Variants in EEFSEC observed in about 807,000 individuals in gnomAD.
EEFSEC encodes the protein eukaryotic elongation factor, selenocysteine-tRNA specific, also known as selenocysteine-specific elongation factor.
A neutral mutation model predicts 42.1 loss-of-function variants in EEFSEC; 43 were observed. The ratio of observed to expected loss-of-function variants is 1.02; its 90% CI spans 0.80 to 1.32. EEFSEC has a LOEUF of 1.32. Ranked by LOEUF, EEFSEC falls within the 40% of genes most tolerant of loss-of-function variation. The probability of loss-of-function intolerance (pLI) is 0.00; values close to 1 mark genes in which losing one functional copy is unlikely to be tolerated. For synonymous variants in EEFSEC, 354 were observed against 339.1 expected (o/e 1.04, Z -0.48); for missense variants, 745 against 803.6 (o/e 0.93, Z 0.88).
intron 1 of EEFSEC, among the ~76,000 whole-genome samples, chr3:128,187,736 A>G (rs1353545227): frequency 6.6e-6 from 1 of 152,222 alleles, no homozygotes; most frequent in African/African-American, 2.4e-5. Context: ...TGCATCAAAG[A>G]CCATACAATA....
intron 4 of EEFSEC, among the ~76,000 whole-genome samples, chr3:128,327,827 T>C (rs1024867242): frequency 2.0e-5 from 3 of 152,052 alleles, no homozygotes; most frequent in Admixed American, 2.0e-4. Context: ...TGGCAGTACA[T>C]GGAGGAGGGG....
intron 1 of EEFSEC, among the ~76,000 whole-genome samples, chr3:128,181,414 G>A (rs1422515897): frequency 6.6e-6 from 1 of 152,212 alleles, no homozygotes; most frequent in Non-Finnish European, 1.5e-5. Context: ...CCACAAGTGG[G>A]CATTCTGAAC....
At chr3:128,365,990 G>T (rs944117093) in intron 6 of EEFSEC, among the ~76,000 whole-genome samples, 5 of 152,212 alleles carry the variant, frequency 3.3e-5, no homozygotes, top group African/African-American at 9.6e-5. Context: ...AGAAGCTGAT[G>T]CACCTCTCTG....
the EEFSEC span, among the ~76,000 whole-genome samples, chr3:128,418,963 CAGT>C: frequency 6.6e-6 from 1 of 152,330 alleles, no homozygotes; most frequent in South Asian, 2.1e-4. Context: ...GACTCCATCC[CAGT>C]CAGTAATGCT....
At chr3:128,278,724 A>G (rs1464031414) in intron 4 of EEFSEC, among the ~76,000 whole-genome samples, 1 of 152,066 alleles carries the variant, frequency 6.6e-6, no homozygotes, top group East Asian at 1.9e-4. Flanking sequence ...ATGGTGGGGG[A>G]GCCTTCCTAG....
the EEFSEC span, among the ~76,000 whole-genome samples, chr3:128,415,524 G>A: frequency 6.6e-6 from 1 of 152,158 alleles, no homozygotes; most frequent in Non-Finnish European, 1.5e-5. Flanking sequence ...GCGCCTCACT[G>A]CCCCAGTGCT....
intron 1 of EEFSEC, among the ~76,000 whole-genome samples, chr3:128,157,105 A>G (rs1402906047): frequency 6.6e-6 from 1 of 152,262 alleles, no homozygotes; most frequent in Non-Finnish European, 1.5e-5. Flanking sequence ...ATTGCTTTAT[A>G]GAGAAAGTTT....
chr3:128,222,620 T>TA (rs1196886758), intron 1 of EEFSEC, among the ~76,000 whole-genome samples: 1 of 152,258 alleles, frequency 6.6e-6, no homozygotes, highest in Non-Finnish European at 1.5e-5. Context: ...TTTATCTGTC[T>TA]ACTCTTGATG....
At chr3:128,314,758 C>G (rs929205294) in intron 4 of EEFSEC, among the ~76,000 whole-genome samples, 1 of 152,212 alleles carries the variant, frequency 6.6e-6, no homozygotes, top group Admixed American at 6.5e-5. Flanking sequence ...CCCCCACCCA[C>G]CATGTGACGA....
chr3:128,275,650 C>A (rs2066460249), intron 4 of EEFSEC, among the ~76,000 whole-genome samples: 1 of 152,214 alleles, frequency 6.6e-6, no homozygotes, highest in Non-Finnish European at 1.5e-5. Context: ...ACCCTGCTTC[C>A]CAGGCAAGGC....
intron 1 of EEFSEC, among the ~76,000 whole-genome samples, chr3:128,186,999 A>G (rs2065472793): frequency 6.6e-6 from 1 of 152,210 alleles, no homozygotes; most frequent in Non-Finnish European, 1.5e-5. Flanking sequence ...GCTGAGGCTC[A>G]TGGCCACAGG....
Position 128,251,285 on chromosome 3 carries a change from C to T in EEFSEC, c.524+4242C>T, listed in dbSNP as rs866364006. On this transcript the variant is annotated intron_variant, in intron 2 of 6. Transcript: ENST00000254730. The stretch of plus-strand genomic sequence containing the variant: ...AAATAAAGCCTTAAGGTGAACATCT[C>T]TGTACATCATTAAACTGTATTTTCA... Among the ~76,000 whole-genome samples, 9 of 152,302 alleles carry T rather than the reference C, an allele frequency of 5.9e-5. No homozygotes were observed. In the South Asian group the frequency reaches 1.7e-3, roughly 28 times the overall value.
chr3:128,162,486 C>G (rs2065200475), intron 1 of EEFSEC, among the ~76,000 whole-genome samples: 1 of 152,216 alleles, frequency 6.6e-6, no homozygotes, highest in Admixed American at 6.5e-5. Flanking sequence ...GCCTTTAACT[C>G]TCTCCAGGAG....
chr3:128,408,455 C>T lies in EEFSEC; in HGVS notation c.*196C>T. 1.9e-6 allele frequency: 1 copy of T among 537,482 alleles called. No homozygotes were observed. The allele number at this position is 537,482 out of a possible 1,614,324, so 33.3% of individuals were successfully genotyped here. A position where few individuals can be genotyped will look rare whatever the true frequency, so the allele number is the denominator to read the frequency against. ...GTTGCTGGGGCCAGGAGGGTCTCTCCTCCAGCCCCTGCACACTCCCACCCA... is the reference window on the plus strand; with the variant it reads ...GTTGCTGGGGCCAGGAGGGTCTCTCTTCCAGCCCCTGCACACTCCCACCCA... On this transcript the variant is annotated 3_prime_UTR_variant, in exon 7 of 7. Coordinates refer to ENST00000254730, the MANE Select transcript of EEFSEC (RefSeq NM_021937.5).
chr3:128,311,673 G>A (rs1464229834), intron 4 of EEFSEC, among the ~76,000 whole-genome samples: 1 of 152,216 alleles, frequency 6.6e-6, no homozygotes. Context: ...TGGGGCCAAG[G>A]ACTTCACCTT....
the EEFSEC span, among the ~76,000 whole-genome samples, chr3:128,419,003 C>A: frequency 6.6e-6 from 1 of 152,168 alleles, no homozygotes; most frequent in African/African-American, 2.4e-5. Context: ...ATTAAAGCAA[C>A]AAGGAAGTGC....
At chr3:128,347,125 CA>C (rs1304326306) in intron 5 of EEFSEC, among the ~76,000 whole-genome samples, 1 of 152,180 alleles carries the variant, frequency 6.6e-6, no homozygotes, top group Non-Finnish European at 1.5e-5. Context: ...CTTGGGTGCC[CA>C]CTGTCTCTGT....
At chr3:128,164,554 A>G (rs990393896) in intron 1 of EEFSEC, among the ~76,000 whole-genome samples, 13 of 152,194 alleles carry the variant, frequency 8.5e-5, no homozygotes, top group Middle Eastern at 6.8e-3. Context: ...ACTTGCACAC[A>G]GGGGGGTGTG....
At chr3:128,343,227 G>A (rs60399786) in intron 5 of EEFSEC, among the ~76,000 whole-genome samples, 24,236 of 152,124 alleles carry the variant, frequency 0.16, 2,397 homozygotes, top group African/African-American at 0.28. Context: ...CCAGGTCTCC[G>A]TCCACAGGTT....
Sources: gnomAD v4.1 joint callset for allele counts (sites outside exome capture counted in the v4.1 genomes callset) on GRCh38, gnomAD v4.1.1 for gene constraint, MANE v1.5 for transcripts, NCBI Gene and HGNC (gene_info 2026-07-23, HGNC 2026-07-21) for gene names.